Variants in PLAA observed in about 807,000 individuals in gnomAD.
The protein encoded by PLAA is phospholipase A-2-activating protein.
PLAA carries 48 observed loss-of-function variants against 84.1 expected under a neutral mutation model. The observed-to-expected ratio is 0.57, with a 90% CI of 0.45 to 0.73. PLAA has a LOEUF of 0.73. PLAA is among the 30% of genes least tolerant of loss of function. The pLI, the probability that PLAA is intolerant of heterozygous loss-of-function variation, is 0.00. For missense variants in PLAA, 903 were observed against 954.7 expected (o/e 0.95, Z 0.71); for synonymous variants, 392 against 336.6 (o/e 1.16, Z -1.80).
intron 1 of PLAA, among the ~76,000 whole-genome samples, chr9:26,944,710 C>A (rs568454448): frequency 1.3e-5 from 2 of 152,358 alleles, no homozygotes; most frequent in East Asian, 3.8e-4. Flanking sequence ...ACCTAACCAG[C>A]AGGATATGAG....
chr9:26,943,879 G>A (rs1433030275), intron 1 of PLAA, among the ~76,000 whole-genome samples: 1 of 152,164 alleles, frequency 6.6e-6, no homozygotes, highest in East Asian at 1.9e-4. Context: ...TTTGAGCCCA[G>A]AAGGTCGAGG....
intron 2 of PLAA, among the ~76,000 whole-genome samples, chr9:26,933,788 C>CAAAAAAA (rs199939902): frequency 1.1e-5 from 1 of 89,188 alleles, no homozygotes; most frequent in Non-Finnish European, 2.4e-5. Context: ...GACTCTGCCT[C>CAAAAAAA]AAAAAAAAAA....
At chr9:26,915,359 G>A (rs919997329) in intron 10 of PLAA, among the ~76,000 whole-genome samples, 1 of 151,888 alleles carries the variant, frequency 6.6e-6, no homozygotes, top group Non-Finnish European at 1.5e-5. Flanking sequence ...TAGAACCCTG[G>A]GATAAGTAAT....
chr9:26,947,025 C>A lies in PLAA; in HGVS notation c.21G>T (p.Arg7Ser), dbSNP rs535078633. The change falls in exon 1 of 14, where the codon AGG (arginine) becomes AGT (serine). Residue 7 changes from arginine (R) to serine (S), a missense_variant. By Grantham distance (110) the Arg-to-Ser change is moderately radical. Transcript: ENST00000397292. ...CCCGGAGCGAGCAGCTCAGCCGGTA[C>A]CTGGTTGCGCCGCTCGTCATGGCCA... MTSGAT[R>S]YRLSCSLRGH... 141 of 1,587,544 alleles carry A rather than the reference C, an allele frequency of 8.9e-5. No homozygotes were observed. In the South Asian group the frequency reaches 1.1e-3, roughly 12 times the overall value.
chr9:26,914,582 A>G (rs1368202388), intron 10 of PLAA, among the ~76,000 whole-genome samples: 1 of 145,082 alleles, frequency 6.9e-6, no homozygotes, highest in Non-Finnish European at 1.5e-5. Context: ...AGCAAAACCA[A>G]AAAAAAAAAA....
intron 1 of PLAA, among the ~76,000 whole-genome samples, chr9:26,938,060 CAAG>C (rs1362251345): frequency 2.0e-5 from 3 of 151,982 alleles, no homozygotes; most frequent in Admixed American, 1.3e-4. Flanking sequence ...CAACAAACTC[CAAG>C]AAGATAAATT....
intron 2 of PLAA, among the ~76,000 whole-genome samples, chr9:26,930,440 T>A (rs1825144493): frequency 6.6e-6 from 1 of 152,092 alleles, no homozygotes. Flanking sequence ...CTTTGACTGC[T>A]CCAACAACTA....
chr9:26,907,804 T>C (rs1483297699), intron 13 of PLAA, 30 bp downstream of exon 13: 2 of 1,564,802 alleles, frequency 1.3e-6, no homozygotes, highest in Non-Finnish European at 1.7e-6. Flanking sequence ...TCTTGCTTTC[T>C]GGTTACATTT....
intron 10 of PLAA, chr9:26,915,923 G>C (rs1346655710): frequency 8.1e-6 from 8 of 985,278 alleles, no homozygotes. Context: ...CTGAACTGCT[G>C]ATAGAGAGAA....
chr9:26,906,746 G>A (rs917240638), intron 13 of PLAA, among the ~76,000 whole-genome samples: 4 of 152,006 alleles, frequency 2.6e-5, no homozygotes, highest in African/African-American at 9.7e-5. Flanking sequence ...CTTAAGAGAA[G>A]AATTCCAGTT....
chr9:26,933,814 T>A (rs1190027861), intron 2 of PLAA, among the ~76,000 whole-genome samples: 16 of 122,030 alleles, frequency 1.3e-4, no homozygotes, highest in Admixed American at 1.7e-4. Context: ...AAAAAAAAAA[T>A]TTTTTGTTTT....
chr9:26,914,953 C>T (rs1824503388), intron 10 of PLAA, among the ~76,000 whole-genome samples: 1 of 152,234 alleles, frequency 6.6e-6, no homozygotes, highest in Non-Finnish European at 1.5e-5. Flanking sequence ...TGGCTCACGC[C>T]TGTAAACCCA....
rs765091317 is a variant in PLAA at position 26,910,353 on chromosome 9, G to T, written c.1642C>A (p.Pro548Thr). 2 of 1,609,050 alleles carry T rather than the reference G, an allele frequency of 1.2e-6. No homozygotes were observed. The highest frequency in any genetic ancestry group is 2.2e-5 in the South Asian group (2 of 90,936). ...KEAVTFDQAN[P>T]TQILGKLKEL... ...AGAAACTTACCTAATATTTGTGTAG[G>T]GTTTGCTTGGTCAAATGTGACAGCC... Residue 548 changes from proline to threonine, a missense_variant, in exon 12 of 14, where the codon CCT (proline) becomes ACT (threonine). By Grantham distance (38) the Pro-to-Thr change is conservative. Coordinates refer to ENST00000397292, the MANE Select transcript of PLAA (RefSeq NM_001031689.3).
chr9:26,925,850 T>C lies in PLAA; in HGVS notation c.844A>G (p.Asn282Asp), dbSNP rs2131392267. The change falls in exon 6 of 14, where the codon AAT becomes GAT. Residue 282 changes from asparagine (N) to aspartate (D), a missense_variant. By Grantham distance (23) the Asn-to-Asp change is conservative. Coordinates refer to ENST00000397292, the MANE Select transcript of PLAA (RefSeq NM_001031689.3). ...QSIWCCCVLD[N>D]GDIVVGASDG... ...CTCGCACCAACCACAATGTCACCAT[T>C]GTCGAGCACACAGCAGCACCATATA... The C allele has an allele frequency of 6.2e-7, 1 of 1,614,082 alleles. No individual in the cohort carries two copies. The highest frequency in any genetic ancestry group is 1.1e-5 in the South Asian group (1 of 91,070).
chr9:26,944,325 G>A (rs1008445596), intron 1 of PLAA, among the ~76,000 whole-genome samples: 9 of 148,508 alleles, frequency 6.1e-5, no homozygotes, highest in Non-Finnish European at 1.3e-4. Flanking sequence ...CCAGTCTGTG[G>A]TATTCTGCTA....
At chr9:26,909,277 C>G (rs890836067) in intron 12 of PLAA, among the ~76,000 whole-genome samples, 4 of 152,012 alleles carry the variant, frequency 2.6e-5, no homozygotes, top group African/African-American at 9.7e-5. Context: ...AAATAAAAAT[C>G]AAGTTCATTA....
At position 26,905,686 on chromosome 9, in the gene PLAA, T is replaced by A; in HGVS notation, c.2213A>T (p.Asp738Val). ...LISTILEVVQ[D>V]LEATFRLLVA... ...AAGAAGTCTAAAAGTGGCTTCTAGG[T>A]CTTGTACTACTTCCAAGATTGTGCT... Residue 738 changes from aspartate (D) to valine (V), a missense_variant, in exon 14 of 14, where the codon GAC (aspartate) becomes GTC (valine). Coordinates refer to ENST00000397292, the MANE Select transcript of PLAA (RefSeq NM_001031689.3). 3 of 1,614,208 alleles carry A rather than the reference T, an allele frequency of 1.9e-6. No individual in the cohort carries two copies. Among genetic ancestry groups the A allele is most frequent in the Non-Finnish European group, 2.5e-6 (3 of 1,180,030 alleles).
At chr9:26,925,437 T>C (rs1276428679) in intron 6 of PLAA, among the ~76,000 whole-genome samples, 1 of 152,242 alleles carries the variant, frequency 6.6e-6, no homozygotes, top group Non-Finnish European at 1.5e-5. Flanking sequence ...AGGAAACTTA[T>C]ACTCTTAGCT....
chr9:26,943,311 G>C (rs61187442), intron 1 of PLAA, among the ~76,000 whole-genome samples: 1 of 152,114 alleles, frequency 6.6e-6, no homozygotes, highest in African/African-American at 2.4e-5. Context: ...TGAAAGACTA[G>C]GTACCTGGTT....
Sources: allele counts gnomAD v4.1 joint callset (sites outside exome capture counted in the v4.1 genomes callset), GRCh38; gene constraint gnomAD v4.1.1; transcripts MANE v1.5; gene names NCBI Gene and HGNC (gene_info 2026-07-23, HGNC 2026-07-21).